SLC25A46: variants seen among roughly 807,000 people sequenced by gnomAD.
SLC25A46 encodes the protein mitochondrial outer membrane protein SLC25A46.
A neutral mutation model predicts 44.6 loss-of-function variants in SLC25A46; 39 were observed. The observed-to-expected ratio is 0.87, with a 90% CI of 0.68 to 1.14. SLC25A46 has a LOEUF of 1.14. SLC25A46 is among the 50% of genes most tolerant of loss of function. The pLI is 0.00. For missense variants in SLC25A46, 547 were observed against 522.7 expected (o/e 1.05, Z -0.45); for synonymous variants, 202 against 185.8 (o/e 1.09, Z -0.71).
chr5:110,755,541 AT>A lies in SLC25A46; in HGVS notation c.620+25del. 2 of 1,500,202 alleles carry A rather than the reference AT, an allele frequency of 1.3e-6. No individual in the cohort carries two copies. Among genetic ancestry groups the A allele is most frequent in the Admixed American group, 2.0e-5 (1 of 48,792 alleles). The allele number at this position is 1,500,202 out of a possible 1,614,324, so 92.9% of individuals were successfully genotyped here. A position where few individuals can be genotyped will look rare whatever the true frequency, so the allele number is the denominator to read the frequency against. ...GAAATCGTAAGTATCAAAAAATGGCATTTTTATTGGGCATTTTCACTAATTT... is the reference window on the plus strand; with the variant it reads ...GAAATCGTAAGTATCAAAAAATGGCATTTTATTGGGCATTTTCACTAATTT... On this transcript the variant is annotated intron_variant, in intron 6 of 7. Transcript: ENST00000355943.
At chr5:110,739,504 C>T in intron 1 of SLC25A46, 102 bp downstream of exon 1, 1 of 1,426,118 alleles carries the variant, frequency 7.0e-7, no homozygotes, top group South Asian at 1.4e-5. Context: ...CCTCCTATTC[C>T]TTCTCATCCT....
chr5:110,754,720 T>A (rs961892303), intron 5 of SLC25A46: 1 of 152,060 alleles, frequency 6.6e-6, no homozygotes, highest in African/African-American at 2.4e-5. Context: ...TGTGACAATA[T>A]CTGCTCTGCT....
chr5:110,741,121 TGAAAG>T (rs958978374), intron 1 of SLC25A46, among the ~76,000 whole-genome samples: 16 of 152,324 alleles, frequency 1.1e-4, no homozygotes, highest in Middle Eastern at 3.4e-3. Flanking sequence ...TTGCTTCACT[TGAAAG>T]AGAAGAGGAG....
intron 7 of SLC25A46, among the ~76,000 whole-genome samples, chr5:110,759,993 C>A (rs1307931612): frequency 6.6e-6 from 1 of 152,122 alleles, no homozygotes; most frequent in Non-Finnish European, 1.5e-5. Flanking sequence ...GTTGAGACAT[C>A]GTAAGTTGGA....
chr5:110,752,749 T>G (rs1175978309), intron 5 of SLC25A46, among the ~76,000 whole-genome samples: 1 of 152,214 alleles, frequency 6.6e-6, no homozygotes, highest in Non-Finnish European at 1.5e-5. Flanking sequence ...TTTTCAGATC[T>G]TTTATCATAT....
In SLC25A46 at chr5:110,740,257, GTATTAA is replaced by G. The variant is rs544305912; in HGVS notation, c.283+862_283+867del. ...GAATTGTTAGAATAATAGATTAATG[GTATTAA>G]TATTAAATTTATTGTAGAAATCAGC... On this transcript the variant is annotated intron_variant, in intron 1 of 7. Transcript: ENST00000355943. Among the ~76,000 whole-genome samples, 207 of 152,150 alleles carry G rather than the reference GTATTAA, an allele frequency of 1.4e-3. 1 individual carries two copies. The highest frequency in any genetic ancestry group is 4.8e-3 in the African/African-American group (201 of 41,516).
At chr5:110,751,847 G>A (rs773536267) in intron 5 of SLC25A46, among the ~76,000 whole-genome samples, 3 of 152,162 alleles carry the variant, frequency 2.0e-5, no homozygotes, top group Non-Finnish European at 2.9e-5. Context: ...ATGACTTCTT[G>A]TATTTGGGCT....
Position 110,761,563 on chromosome 5 carries a change from A to G in SLC25A46, c.1038A>G (p.Thr346=). The change falls in exon 8 of 8, where the codon ACA becomes ACG. Residue 346 remains threonine, a synonymous_variant. Coordinates refer to ENST00000355943, the MANE Select transcript of SLC25A46 (RefSeq NM_138773.4). The surrounding 1 kb of genome is among the most constrained non-coding windows in gnomAD (Gnocchi z 5.3). The part of the protein sequence containing the change: ...TVLHRLHIQG[T]RTIIDNTDLG... ...TGCACCGCCTTCACATTCAAGGAAC[A>G]CGCACAATAATTGACAATACAGACC... 2 of 1,613,826 alleles carry G rather than the reference A, an allele frequency of 1.2e-6. No homozygotes were observed. Among genetic ancestry groups the G allele is most frequent in the Non-Finnish European group, 1.7e-6 (2 of 1,179,808 alleles).
Position 110,739,219 on chromosome 5 carries a change from A to G in SLC25A46, c.100A>G (p.Ser34Gly), listed in dbSNP as rs1580850073. Residue 34 changes from serine to glycine, a missense_variant, in exon 1 of 8, where the codon AGC becomes GGC. Transcript: ENST00000355943. ...CGGCGCCTTCCCTGCAAGGTCCTTC[A>G]GCACCGGGTCGGACCTGGGCCACTG... ...FGGAFPARSF[S>G]TGSDLGHWVT... is the part of the protein sequence containing the mutation. 1 of 1,574,010 alleles carries G rather than the reference A, an allele frequency of 6.4e-7. No individual in the cohort carries two copies. Among genetic ancestry groups the G allele is most frequent in the Non-Finnish European group, 8.6e-7 (1 of 1,160,208 alleles).
upstream of SLC25A46, chr5:110,738,222 A>G: frequency 1.6e-6 from 2 of 1,287,320 alleles, no homozygotes; most frequent in Non-Finnish European, 2.0e-6. Context: ...GCCTGGCCCA[A>G]GAGCCCGTGG....
chr5:110,742,387 T>C (rs1799713465), intron 2 of SLC25A46, among the ~76,000 whole-genome samples: 1 of 152,022 alleles, frequency 6.6e-6, no homozygotes, highest in Non-Finnish European at 1.5e-5. Context: ...AGTGTAATCT[T>C]ATCTCTCTCC....
chr5:110,738,948 AG>A, upstream of SLC25A46: 1 of 1,431,890 alleles, frequency 7.0e-7, no homozygotes, highest in Non-Finnish European at 9.1e-7. Context: ...GGTTGCCGGA[AG>A]AGGCTATAAT....
intron 5 of SLC25A46, among the ~76,000 whole-genome samples, chr5:110,748,880 T>C (rs1237909022): frequency 1.3e-5 from 2 of 152,150 alleles, no homozygotes; most frequent in Non-Finnish European, 1.5e-5. Context: ...GATTGTGCCT[T>C]TTTAAGTTTA....
chr5:110,762,004 T>C lies in SLC25A46; in HGVS notation c.*222T>C, dbSNP rs1229297738. On this transcript the variant is annotated 3_prime_UTR_variant, in exon 8 of 8. Coordinates refer to ENST00000355943, the MANE Select transcript of SLC25A46 (RefSeq NM_138773.4). ...GAAAACTCAATAAAAATAACACTTA[T>C]TAAATTCTAGTTAGTGTAGCACTCA... 2.2e-6 allele frequency: 1 copy of C among 447,668 alleles called. No homozygotes were observed. Among genetic ancestry groups the C allele is most frequent in the Non-Finnish European group, 4.0e-6 (1 of 251,778 alleles). 27.7% of individuals were successfully genotyped at this position (447,668 alleles called of 1,614,324 possible).
Position 110,760,885 on chromosome 5 carries a change from C to T in SLC25A46, c.679-319C>T, listed in dbSNP as rs142667775. ...TAAACATGTTTAAGAACTATAAGCACTATATTGTCTCCTTAAGCGTTACAT... is the reference window on the plus strand; with the variant it reads ...TAAACATGTTTAAGAACTATAAGCATTATATTGTCTCCTTAAGCGTTACAT... On this transcript the variant is annotated intron_variant, in intron 7 of 7. Coordinates refer to ENST00000355943, the MANE Select transcript of SLC25A46 (RefSeq NM_138773.4). 3.3e-3 allele frequency among the ~76,000 whole-genome samples: 509 copies of T among 152,188 alleles called. 1 individual carries two copies. The highest frequency in any genetic ancestry group is 0.012 in the African/African-American group (492 of 41,526).
Position 110,739,382 on chromosome 5 carries a change from G to T in SLC25A46, c.263G>T (p.Ser88Ile). The change falls in exon 1 of 8, where the codon AGT becomes ATT. Residue 88 changes from serine (S) to isoleucine (I), a missense_variant. Physicochemically the swap from Ser to Ile is moderately radical, Grantham distance 142. Coordinates refer to ENST00000355943, the MANE Select transcript of SLC25A46 (RefSeq NM_138773.4). The stretch of plus-strand genomic sequence containing the variant: ...CCCTTTTCCAGTGGCGGCGGCGGCA[G>T]TGTGCAGGGGCAGAGCAGTGGTGAG... ...EEPFSSGGGG[S>I]VQGQSSEQLN... The T allele has an allele frequency of 6.5e-7, 1 of 1,547,482 alleles. No individual in the cohort carries two copies. The highest frequency in any genetic ancestry group is 1.2e-5 in the South Asian group (1 of 84,690).
At chr5:110,740,465 G>A (rs2150406533) in intron 1 of SLC25A46, among the ~76,000 whole-genome samples, 1 of 152,182 alleles carries the variant, frequency 6.6e-6, no homozygotes, top group African/African-American at 2.4e-5. Context: ...TGCTTTGGTG[G>A]TTACAATGAG....
rs753061205 is a variant in SLC25A46, at chr5:110,746,433, G to A, written c.462+87G>A. 6.8e-5 allele frequency: 60 copies of A among 881,742 alleles called. 1 individual carries two copies. Among genetic ancestry groups the A allele is most frequent in the Non-Finnish European group, 1.0e-4 (59 of 573,966 alleles). The allele number at this position is 881,742 out of a possible 1,614,324, so 54.6% of individuals were successfully genotyped here. ...ATTAAAGCAAGAATAATTACTTTCA[G>A]TTTGGTCAATAAAACATCTTAACTG... On this transcript the variant is annotated intron_variant, in intron 4 of 7. Coordinates refer to ENST00000355943, the MANE Select transcript of SLC25A46 (RefSeq NM_138773.4).
intron 1 of SLC25A46, among the ~76,000 whole-genome samples, 153 bp downstream of exon 1, chr5:110,739,555 C>T (rs187209455): frequency 3.8e-4 from 58 of 152,302 alleles, no homozygotes; most frequent in African/African-American, 1.3e-3. Context: ...GTCCTCTGCC[C>T]CTGAGGCTGG....
Sources: allele counts gnomAD v4.1 joint callset (sites outside exome capture counted in the v4.1 genomes callset), GRCh38; gene constraint gnomAD v4.1.1; non-coding constraint Gnocchi (gnomAD v3.1); transcripts MANE v1.5; gene names NCBI Gene and HGNC (gene_info 2026-07-23, HGNC 2026-07-21).